The following CD109 variants were observed in gnomAD, a reference collection of about 807,000 sequenced individuals.
CD109 encodes CD109 antigen.
CD109 carries 149 observed loss-of-function variants against 165.8 expected under a neutral mutation model. That is an observed-to-expected ratio of 0.90 (90% CI 0.79 to 1.03). The LOEUF (loss-of-function observed/expected upper bound fraction) is 1.03, where lower values mean the gene tolerates loss of function less well. CD109 is among the 50% of genes least tolerant of loss of function. The pLI, the probability that CD109 is intolerant of heterozygous loss-of-function variation, is 0.00. For synonymous variants in CD109, 585 were observed against 592.1 expected, an observed-to-expected ratio of 0.99 and a Z score of 0.18; for missense variants, 1,712 against 1,677.8, an observed-to-expected ratio of 1.02 and a Z score of -0.36.
At chr6:73,795,085 C>T (rs1470236479) in intron 23 of CD109, among the ~76,000 whole-genome samples, 2 of 104,826 alleles carry the variant, frequency 1.9e-5, no homozygotes, top group African/African-American at 4.2e-5. Flanking sequence ...AACGTTGTAC[C>T]TTTTGAAAAC....
At position 73,756,717 on chromosome 6, in the gene CD109, A is replaced by AG. The variant is rs1385007078; in HGVS notation, c.673+35_673+36insG. 14 of 1,408,710 alleles carry AG rather than the reference A, an allele frequency of 9.9e-6. No individual in the cohort carries two copies. The African/African-American group carries it at 1.9e-4, about 19-fold the overall frequency. The allele number at this position is 1,408,710 out of a possible 1,614,324, so 87.3% of individuals were successfully genotyped here. A position where few individuals can be genotyped will look rare whatever the true frequency, so the allele number is the denominator to read the frequency against. On this transcript the variant is annotated intron_variant, in intron 6 of 32. Transcript: ENST00000287097. Reference sequence around the variant, plus strand: ...CCTCAATCTATTTTGGAAGAAAAAAACATTTGTTACTTTCAGCAGAGATTA... The same window carrying AG: ...CCTCAATCTATTTTGGAAGAAAAAAAGCATTTGTTACTTTCAGCAGAGATTA...
At chr6:73,818,863 A>G (rs748712275) in intron 31 of CD109, among the ~76,000 whole-genome samples, 7 of 152,240 alleles carry the variant, frequency 4.6e-5, no homozygotes, top group South Asian at 2.1e-4. Flanking sequence ...TGTCTGCCTC[A>G]GGGAGTTGCC....
At chr6:73,702,859 A>G (rs144878692) in intron 2 of CD109, among the ~76,000 whole-genome samples, 209 of 152,384 alleles carry the variant, frequency 1.4e-3, no homozygotes, top group African/African-American at 4.7e-3. Flanking sequence ...TATTGTTACT[A>G]GAAGAGAGTA....
chr6:73,735,076 G>C (rs1772493584), intron 4 of CD109, among the ~76,000 whole-genome samples: 1 of 152,166 alleles, frequency 6.6e-6, no homozygotes, highest in Non-Finnish European at 1.5e-5. Context: ...AGCAGTTGCA[G>C]AGACCTACAT....
rs151159706 is a variant in CD109, at chr6:73,702,191, T to A, written c.247+4619T>A. Among the ~76,000 whole-genome samples the A allele has an allele frequency of 2.6e-3, 400 of 152,312 alleles. 3 individuals carry two copies. In the East Asian group the frequency reaches 0.036, roughly 14 times the overall value. On this transcript the variant is annotated intron_variant, in intron 2 of 32. Coordinates refer to ENST00000287097, the MANE Select transcript of CD109 (RefSeq NM_133493.5). ...TGTTAACCTTTTTTTAAAGATTTTT[T>A]AAAAAATCTATTTTTTCCTTTGTTG...
At chr6:73,760,923 G>A (rs2150221483) in intron 7 of CD109, among the ~76,000 whole-genome samples, 1 of 151,868 alleles carries the variant, frequency 6.6e-6, no homozygotes, top group South Asian at 2.1e-4. Context: ...GCTGAGGCAG[G>A]AGAATCTCTT....
intron 2 of CD109, among the ~76,000 whole-genome samples, chr6:73,701,564 GT>G (rs1771080981): frequency 6.6e-6 from 1 of 152,014 alleles, no homozygotes; most frequent in African/African-American, 2.4e-5. Flanking sequence ...TTTGAGAACT[GT>G]CCTCTCATCT....
In CD109 at chr6:73,815,140, GTC is replaced by G; in HGVS notation, c.3911+23_3911+24del. Reference sequence around the variant, plus strand: ...GTGTACAAGGTAAGTGTCTGCTTAGGTCTCTCTTCTTTTTTTCCTTTAAAAAA... The same window carrying G: ...GTGTACAAGGTAAGTGTCTGCTTAGGTCTCTTCTTTTTTTCCTTTAAAAAA... On this transcript the variant is annotated intron_variant, in intron 30 of 32. Coordinates refer to ENST00000287097, the MANE Select transcript of CD109 (RefSeq NM_133493.5). The G allele has an allele frequency of 6.5e-7, 1 of 1,544,876 alleles. No individual in the cohort carries two copies. Among genetic ancestry groups the G allele is most frequent in the Non-Finnish European group, 8.6e-7 (1 of 1,156,668 alleles).
intron 29 of CD109, among the ~76,000 whole-genome samples, chr6:73,813,773 C>T (rs1775832992): frequency 6.6e-6 from 1 of 151,996 alleles, no homozygotes; most frequent in South Asian, 2.1e-4. Context: ...AATGTAAACC[C>T]TAATACTTAG....
At chr6:73,696,319 G>C (rs771046714) in intron 1 of CD109, 30 bp downstream of exon 1, 2 of 1,444,384 alleles carry the variant, frequency 1.4e-6, no homozygotes, top group South Asian at 1.4e-5. Context: ...GGGGGCGCGC[G>C]GGCGCGCGGG....
At chr6:73,734,949 C>T (rs1772490901) in intron 4 of CD109, among the ~76,000 whole-genome samples, 1 of 152,114 alleles carries the variant, frequency 6.6e-6, no homozygotes, top group Admixed American at 6.5e-5. Flanking sequence ...AGATAAACTC[C>T]AGATATACTA....
intron 4 of CD109, among the ~76,000 whole-genome samples, chr6:73,735,675 T>C (rs550530260): frequency 4.6e-5 from 7 of 152,290 alleles, no homozygotes; most frequent in African/African-American, 1.7e-4. Context: ...AATATGCTTT[T>C]GTTGAGTTAA....
At chr6:73,745,734 G>A (rs1398705635) in intron 5 of CD109, among the ~76,000 whole-genome samples, 2 of 151,736 alleles carry the variant, frequency 1.3e-5, no homozygotes, top group Non-Finnish European at 2.9e-5. Context: ...TTAATTTTTT[G>A]TTGTTTGTTT....
intron 27 of CD109, 106 bp downstream of exon 27, chr6:73,810,280 G>GTT: frequency 3.2e-6 from 1 of 311,760 alleles, no homozygotes; most frequent in Middle Eastern, 1.3e-3. Context: ...TAAATCATAT[G>GTT]TTATATATAA....
At chr6:73,714,118 T>G (rs931901888) in intron 2 of CD109, among the ~76,000 whole-genome samples, 3 of 152,252 alleles carry the variant, frequency 2.0e-5, no homozygotes, top group Admixed American at 6.5e-5. Context: ...CGAAGCTCAC[T>G]GCAGTTTGTT....
At chr6:73,761,224 G>C (rs1310525099) in intron 7 of CD109, among the ~76,000 whole-genome samples, 1 of 152,172 alleles carries the variant, frequency 6.6e-6, no homozygotes, top group East Asian at 1.9e-4. Context: ...GGAACATGTA[G>C]CAATAGACCA....
chr6:73,707,261 A>G (rs1369230212), intron 2 of CD109, among the ~76,000 whole-genome samples: 1 of 152,188 alleles, frequency 6.6e-6, no homozygotes, highest in Non-Finnish European at 1.5e-5. Flanking sequence ...CCCATCCATA[A>G]ACTTTATTTA....
At chr6:73,813,532 A>G (rs1276495081) in intron 29 of CD109, among the ~76,000 whole-genome samples, 1 of 152,078 alleles carries the variant, frequency 6.6e-6, no homozygotes, top group African/African-American at 2.4e-5. Flanking sequence ...ACTAGTAGGC[A>G]CCTCTCATGA....
rs963618417 is a variant in CD109 at position 73,801,643 on chromosome 6, G to A, written c.2879-1577G>A. Among the ~76,000 whole-genome samples the A allele has an allele frequency of 1.3e-4, 20 of 152,304 alleles. No individual in the cohort carries two copies. The South Asian group carries it at 1.7e-3, about 13-fold the overall frequency. On this transcript the variant is annotated intron_variant, in intron 23 of 32. Coordinates refer to ENST00000287097, the MANE Select transcript of CD109 (RefSeq NM_133493.5). ...TCAGGGAGAAGTTTGGGACTTGAAGGTGAGAACACATTAACTGTAATTTCA... is the reference window on the plus strand; with the variant it reads ...TCAGGGAGAAGTTTGGGACTTGAAGATGAGAACACATTAACTGTAATTTCA...
Sources: gnomAD v4.1 joint callset for allele counts (sites outside exome capture counted in the v4.1 genomes callset) on GRCh38, gnomAD v4.1.1 for gene constraint, MANE v1.5 for transcripts, NCBI Gene and HGNC (gene_info 2026-07-23, HGNC 2026-07-21) for gene names.